Variants in NXPH1 observed in about 807,000 individuals in gnomAD.
NXPH1 encodes the protein neurexophilin-1.
A neutral mutation model predicts 23.7 loss-of-function variants in NXPH1; 5 were observed. The ratio of observed to expected loss-of-function variants is 0.21; its 90% CI spans 0.11 to 0.44. The LOEUF (loss-of-function observed/expected upper bound fraction) is 0.44, where lower values mean the gene tolerates loss of function less well. Ranked by LOEUF, NXPH1 falls within the 20% of genes least tolerant of loss-of-function variation. NXPH1 has a pLI of 0.99. For missense variants in NXPH1, 324 were observed against 321.6 expected, an observed-to-expected ratio of 1.01 and a Z score of -0.06; for synonymous variants, 144 against 122.2, an observed-to-expected ratio of 1.18 and a Z score of -1.18.
intron 2 of NXPH1, among the ~76,000 whole-genome samples, chr7:8,477,052 ATGTT>A (rs1423829464): frequency 1.3e-5 from 2 of 152,168 alleles, no homozygotes; most frequent in African/African-American, 4.8e-5. Flanking sequence ...GTTTGTCTGT[ATGTT>A]AAGCAGTACC....
chr7:8,669,872 GTTTCC>G (rs1200140204), intron 2 of NXPH1, among the ~76,000 whole-genome samples: 1 of 152,082 alleles, frequency 6.6e-6, no homozygotes, highest in Non-Finnish European at 1.5e-5. Flanking sequence ...TTTTTCACCT[GTTTCC>G]TTAGCTCTTG....
intron 2 of NXPH1, among the ~76,000 whole-genome samples, chr7:8,666,651 C>G (rs1404645125): frequency 6.6e-6 from 1 of 152,034 alleles, no homozygotes; most frequent in Non-Finnish European, 1.5e-5. Context: ...GTAAAGCCAT[C>G]AAGTCCTGGC....
intron 2 of NXPH1, among the ~76,000 whole-genome samples, chr7:8,507,656 G>C (rs1302821220): frequency 2.0e-5 from 3 of 152,118 alleles, no homozygotes; most frequent in African/African-American, 7.2e-5. Context: ...GAAAGCTGCA[G>C]CTAGATCATT....
chr7:8,543,844 T>G (rs1019688762), intron 2 of NXPH1, among the ~76,000 whole-genome samples: 2 of 151,796 alleles, frequency 1.3e-5, no homozygotes, highest in Admixed American at 1.3e-4. Context: ...ACCAGGTGTT[T>G]TAATTTTTAA....
intron 2 of NXPH1, among the ~76,000 whole-genome samples, chr7:8,587,568 G>A (rs989812304): frequency 7.2e-5 from 11 of 152,094 alleles, no homozygotes; most frequent in African/African-American, 2.7e-4. Flanking sequence ...CACGTGTCAT[G>A]GTGGTTTGTT....
intron 2 of NXPH1, among the ~76,000 whole-genome samples, chr7:8,606,198 T>C (rs1024650545): frequency 6.6e-6 from 1 of 152,122 alleles, no homozygotes; most frequent in African/African-American, 2.4e-5. Context: ...TTATTACATT[T>C]AGGAAACAGA....
intron 2 of NXPH1, among the ~76,000 whole-genome samples, chr7:8,552,921 C>T (rs1038949977): frequency 1.6e-4 from 24 of 151,390 alleles, no homozygotes; most frequent in African/African-American, 4.6e-4. Context: ...TTAATGGTCA[C>T]GTATGAAGTG....
intron 2 of NXPH1, among the ~76,000 whole-genome samples, chr7:8,637,071 T>A (rs1202245456): frequency 6.6e-6 from 1 of 152,204 alleles, no homozygotes; most frequent in Non-Finnish European, 1.5e-5. Flanking sequence ...TTTTTCTTCC[T>A]GGGAGCAGAA....
At chr7:8,554,836 A>G (rs561804805) in intron 2 of NXPH1, among the ~76,000 whole-genome samples, 2 of 151,844 alleles carry the variant, frequency 1.3e-5, no homozygotes, top group South Asian at 4.1e-4. Context: ...TTAAAAAATG[A>G]AAGAAACAAT....
At chr7:8,592,956 C>G (rs1040326568) in intron 2 of NXPH1, among the ~76,000 whole-genome samples, 1 of 151,782 alleles carries the variant, frequency 6.6e-6, no homozygotes, top group African/African-American at 2.4e-5. Context: ...CCCACCTGCT[C>G]TCCTCATTGT....
intron 2 of NXPH1, among the ~76,000 whole-genome samples, chr7:8,551,235 C>A (rs1448751942): frequency 2.6e-5 from 4 of 151,416 alleles, no homozygotes; most frequent in Non-Finnish European, 5.9e-5. Flanking sequence ...ATCTGTGTTT[C>A]CTCTTTTACA....
At chr7:8,694,630 A>G (rs1266908059) in intron 2 of NXPH1, among the ~76,000 whole-genome samples, 1 of 152,140 alleles carries the variant, frequency 6.6e-6, no homozygotes, top group African/African-American at 2.4e-5. Context: ...ATTGATTTTT[A>G]TATGTTCTAG....
chr7:8,580,154 G>T (rs758206633), intron 2 of NXPH1, among the ~76,000 whole-genome samples: 27 of 152,168 alleles, frequency 1.8e-4, no homozygotes, highest in Non-Finnish European at 4.4e-5. Context: ...ATATGGACGG[G>T]ACTTATGACC....
intron 2 of NXPH1, among the ~76,000 whole-genome samples, chr7:8,733,786 C>G (rs539162265): frequency 6.6e-6 from 1 of 152,192 alleles, no homozygotes; most frequent in South Asian, 2.1e-4. Context: ...AGCCCTTTGT[C>G]AGATGGATAG....
At chr7:8,607,666 G>C (rs17152445) in intron 2 of NXPH1, among the ~76,000 whole-genome samples, 3,435 of 152,198 alleles carry the variant, frequency 0.023, 72 homozygotes, top group African/African-American at 0.053. Flanking sequence ...TTTTCACATT[G>C]AACTGTGGGA....
intron 2 of NXPH1, among the ~76,000 whole-genome samples, chr7:8,630,402 A>T (rs550700392): frequency 6.6e-6 from 1 of 152,092 alleles, no homozygotes; most frequent in African/African-American, 2.4e-5. Context: ...TTCAGGTGCA[A>T]TGCTTCCTCA....
chr7:8,526,198 T>A (rs569851136), intron 2 of NXPH1, among the ~76,000 whole-genome samples: 2 of 152,348 alleles, frequency 1.3e-5, no homozygotes, highest in African/African-American at 4.8e-5. Context: ...TTTTGGAGCT[T>A]TAAAAGTTGA....
In NXPH1 at chr7:8,434,490, C is replaced by T. The variant is rs1020884248; in HGVS notation, c.-376C>T. On this transcript the variant is annotated 5_prime_UTR_variant, in exon 1 of 3. Transcript: ENST00000405863. This position sits in a 1 kb window ranked among gnomAD's most constrained non-coding sequence, Gnocchi z 7.6. Reference sequence around the variant, plus strand: ...TTTCCTCCTCTACTGCTCCCTCCCTCTCTTGCCTCTTAAGTTTCCTGCACC... The same window carrying T: ...TTTCCTCCTCTACTGCTCCCTCCCTTTCTTGCCTCTTAAGTTTCCTGCACC... 6.5e-6 allele frequency: 1 copy of T among 153,068 alleles called. No individual in the cohort carries two copies. The highest frequency in any genetic ancestry group is 1.5e-5 in the Non-Finnish European group (1 of 68,352). The allele number at this position is 153,068 out of a possible 1,614,324, so 9.5% of individuals were successfully genotyped here.
Position 8,481,234 on chromosome 7 carries a change from C to A in NXPH1, c.54+45467C>A, listed in dbSNP as rs112163038. Among the ~76,000 whole-genome samples, 426 of 152,286 alleles carry A rather than the reference C, an allele frequency of 2.8e-3. 2 individuals carry two copies. Among genetic ancestry groups the A allele is most frequent in the Middle Eastern group, 0.01 (3 of 294 alleles). ...TGCGGAACTCATATAGAAGAAGCTG[C>A]ATCATGAATAATGCTGGAGTGACTT... is the stretch of plus-strand genomic sequence containing the variant. On this transcript the variant is annotated intron_variant, in intron 2 of 2. Coordinates refer to ENST00000405863, the MANE Select transcript of NXPH1 (RefSeq NM_152745.3).
Sources: allele counts gnomAD v4.1 joint callset (sites outside exome capture counted in the v4.1 genomes callset), GRCh38; gene constraint gnomAD v4.1.1; non-coding constraint Gnocchi (gnomAD v3.1); transcripts MANE v1.5; gene names NCBI Gene and HGNC (gene_info 2026-07-23, HGNC 2026-07-21).